The following CALN1 variants were observed in gnomAD, a reference collection of about 807,000 sequenced individuals.
CALN1 encodes calneuron 1.
In CALN1, 17 loss-of-function variants were observed where a neutral mutation model predicts 30.6. The observed-to-expected ratio is 0.56, with a 90% confidence interval of 0.38 to 0.83. The LOEUF is 0.83. Among genes scored for constraint, CALN1 ranks in the 40% least tolerant of loss-of-function variants. The pLI, the probability that CALN1 is intolerant of heterozygous loss-of-function variation, is 0.00. For missense variants in CALN1, 291 were observed against 354.9 expected, an observed-to-expected ratio of 0.82 and a Z score of 1.45; for synonymous variants, 156 against 131.4, an observed-to-expected ratio of 1.19 and a Z score of -1.28.
intron 5 of CALN1, among the ~76,000 whole-genome samples, chr7:71,859,315 A>G (rs1791136442): frequency 6.6e-6 from 1 of 152,140 alleles, no homozygotes; most frequent in African/African-American, 2.4e-5. Flanking sequence ...TGCCCGCCTC[A>G]GCCTCCCAAA....
chr7:72,415,408 G>A (rs946529747), upstream of CALN1, among the ~76,000 whole-genome samples: 3 of 152,246 alleles, frequency 2.0e-5, no homozygotes, highest in Non-Finnish European at 4.4e-5. Context: ...CTTTGTGCAA[G>A]GCGGTAGCCA....
At chr7:72,349,948 A>G (rs1475017339) in intron 2 of CALN1, among the ~76,000 whole-genome samples, 1 of 152,082 alleles carries the variant, frequency 6.6e-6, no homozygotes, top group East Asian at 1.9e-4. Context: ...ATTAGGTCCC[A>G]TTTGTCAATA....
chr7:72,374,147 C>T (rs1804406795), intron 2 of CALN1, among the ~76,000 whole-genome samples: 1 of 152,080 alleles, frequency 6.6e-6, no homozygotes, highest in South Asian at 2.1e-4. Context: ...GTGAATGATA[C>T]AGAAAGGAAA....
intron 5 of CALN1, among the ~76,000 whole-genome samples, chr7:71,820,244 C>T (rs1252312137): frequency 6.6e-6 from 1 of 152,142 alleles, no homozygotes. Flanking sequence ...CAATCAGAAC[C>T]CACCAATGAC....
At position 72,345,753 on chromosome 7, in the gene CALN1, T is replaced by C. The variant is rs558517380; in HGVS notation, c.119+57498A>G. Among the ~76,000 whole-genome samples the C allele has an allele frequency of 2.0e-5, 3 of 152,264 alleles. No homozygotes were observed. The South Asian group carries it at 6.2e-4, about 32-fold the overall frequency. ...AAGATTAAGGGCAAACCAAAAGCCT[T>C]TGGAGAATCAAGTTCGGCCTTAAAT... is the stretch of plus-strand genomic sequence containing the variant. On this transcript the variant is annotated intron_variant, in intron 2 of 6. Coordinates refer to ENST00000395275, the MANE Select transcript of CALN1 (RefSeq NM_031468.4).
At chr7:72,314,843 A>C (rs1217058777) in intron 2 of CALN1, among the ~76,000 whole-genome samples, 1 of 151,528 alleles carries the variant, frequency 6.6e-6, no homozygotes, top group East Asian at 1.9e-4. Flanking sequence ...TTTGTTAAAA[A>C]AAAAAAAACA....
At chr7:72,099,069 G>C (rs10231333) in intron 4 of CALN1, among the ~76,000 whole-genome samples, 34,507 of 151,996 alleles carry the variant, frequency 0.23, 4,854 homozygotes, top group East Asian at 0.69. Context: ...GCCTCGTGCC[G>C]AAGGTATGAC....
intron 4 of CALN1, among the ~76,000 whole-genome samples, chr7:72,096,611 C>T (rs370820193): frequency 3.3e-5 from 5 of 152,072 alleles, no homozygotes; most frequent in African/African-American, 4.8e-5. Flanking sequence ...CTTCCTGGTT[C>T]GACTGTTTCA....
intron 4 of CALN1, among the ~76,000 whole-genome samples, chr7:72,028,147 C>G (rs1486876563): frequency 6.6e-6 from 1 of 151,580 alleles, no homozygotes; most frequent in African/African-American, 2.4e-5. Flanking sequence ...ATAATGGGCA[C>G]CATTCTCTCC....
intron 2 of CALN1, among the ~76,000 whole-genome samples, chr7:72,400,278 G>A (rs1239558799): frequency 1.3e-5 from 2 of 152,114 alleles, no homozygotes; most frequent in Non-Finnish European, 2.9e-5. Context: ...TTGATCTGGA[G>A]TGGACAGCAA....
Position 71,939,680 on chromosome 7 carries a change from CT to C in CALN1, c.501+83976del, listed in dbSNP as rs1831164071. ...AACAAAGGTAATTTGCCTAAATACA[CT>C]GCTTGGAAGTGGTGGAGCTGGGATT... On this transcript the variant is annotated intron_variant, in intron 5 of 6. Transcript: ENST00000395275. 5.3e-5 allele frequency among the ~76,000 whole-genome samples: 8 copies of C among 152,104 alleles called. No homozygotes were observed. In the South Asian group the frequency reaches 1.7e-3, roughly 32 times the overall value.
At position 71,886,601 on chromosome 7, in the gene CALN1, T is replaced by C. The variant is rs1336988358; in HGVS notation, c.502-76109A>G. 2.6e-5 allele frequency among the ~76,000 whole-genome samples: 4 copies of C among 152,100 alleles called. No individual in the cohort carries two copies. In the South Asian group the frequency reaches 6.2e-4, roughly 24 times the overall value. ...CAGCCTGGTTAACATGATGAAATCCTTTCTCTACTAGAAATACAAAAATTA... is the reference window on the plus strand; with the variant it reads ...CAGCCTGGTTAACATGATGAAATCCCTTCTCTACTAGAAATACAAAAATTA... On this transcript the variant is annotated intron_variant, in intron 5 of 6. Transcript: ENST00000395275.
intron 1 of CALN1, among the ~76,000 whole-genome samples, chr7:72,443,695 C>T (rs1808430758): frequency 6.6e-6 from 1 of 151,812 alleles, no homozygotes; most frequent in South Asian, 2.1e-4. Flanking sequence ...CTCATGTATC[C>T]CATGACACAC....
intron 3 of CALN1, among the ~76,000 whole-genome samples, chr7:72,250,160 A>C (rs2129551976): frequency 6.6e-6 from 1 of 152,292 alleles, no homozygotes; most frequent in East Asian, 1.9e-4. Context: ...ATCTTAATGC[A>C]GTGTTCATCT....
At chr7:72,470,644 T>G in the CALN1 span, among the ~76,000 whole-genome samples, 3 of 152,092 alleles carry the variant, frequency 2.0e-5, no homozygotes, top group Non-Finnish European at 2.9e-5. Flanking sequence ...TAAAATGAGT[T>G]CCTTGGTAAA....
intron 4 of CALN1, among the ~76,000 whole-genome samples, chr7:72,048,157 A>C (rs959823284): frequency 1.9e-4 from 28 of 151,128 alleles, no homozygotes; most frequent in Admixed American, 6.6e-5. Context: ...CCCCTGCCTC[A>C]ACCTCCCAAG....
chr7:72,205,557 T>TATATAC (rs1791788338), intron 3 of CALN1, among the ~76,000 whole-genome samples: 1 of 109,944 alleles, frequency 9.1e-6, no homozygotes, highest in African/African-American at 4.3e-5. Context: ...AAAAAATATA[T>TATATAC]ATATATATAT....
intron 5 of CALN1, among the ~76,000 whole-genome samples, chr7:72,004,731 T>G (rs958119489): frequency 1.3e-5 from 2 of 150,954 alleles, no homozygotes; most frequent in Non-Finnish European, 3.0e-5. Flanking sequence ...ACTAACCAAT[T>G]TGCAAACAAC....
At chr7:72,301,220 C>A (rs1799237039) in intron 2 of CALN1, among the ~76,000 whole-genome samples, 1 of 152,130 alleles carries the variant, frequency 6.6e-6, no homozygotes, top group South Asian at 2.1e-4. Context: ...TTGCTAAGAT[C>A]TGGACTGGAG....
Sources: gnomAD v4.1 joint callset for allele counts (sites outside exome capture counted in the v4.1 genomes callset) on GRCh38, gnomAD v4.1.1 for gene constraint, MANE v1.5 for transcripts, NCBI Gene and HGNC (gene_info 2026-07-23, HGNC 2026-07-21) for gene names.